The following INPP4B variants were observed in gnomAD, a reference collection of about 807,000 sequenced individuals.
The protein encoded by INPP4B is inositol polyphosphate 4-phosphatase type II.
INPP4B carries 55 observed loss-of-function variants against 122.5 expected under a neutral mutation model. The ratio of observed to expected loss-of-function variants is 0.45; its 90% confidence interval spans 0.36 to 0.56. INPP4B has a LOEUF of 0.56. Among genes scored for constraint, INPP4B ranks in the 20% least tolerant of loss-of-function variants. The pLI, the probability that INPP4B is intolerant of heterozygous loss-of-function variation, is 0.00. For synonymous variants in INPP4B, 403 were observed against 388.7 expected, an observed-to-expected ratio of 1.04 and a Z score of -0.43; for missense variants, 1,000 against 1,097.7, an observed-to-expected ratio of 0.91 and a Z score of 1.26.
At chr4:142,096,289 C>T (rs1781753045) in intron 23 of INPP4B, 1 of 152,122 alleles carries the variant, frequency 6.6e-6, no homozygotes, top group Non-Finnish European at 1.5e-5. Flanking sequence ...GCAAGAAAAT[C>T]TAAGTTTGTA....
chr4:142,693,224 A>G (rs930028249), intron 2 of INPP4B, among the ~76,000 whole-genome samples: 1 of 152,006 alleles, frequency 6.6e-6, no homozygotes, highest in African/African-American at 2.4e-5. Flanking sequence ...GGTATGTGTC[A>G]TGGCTAGGTG....
intron 23 of INPP4B, 88 bp downstream of exon 23, chr4:142,108,005 G>T: frequency 1.4e-6 from 1 of 691,058 alleles, no homozygotes; most frequent in Non-Finnish European, 2.5e-6. Flanking sequence ...CCCTGCTTCT[G>T]TAGTCCACTG....
chr4:142,349,773 AG>A (rs1183570968), intron 7 of INPP4B, among the ~76,000 whole-genome samples: 6 of 151,978 alleles, frequency 3.9e-5, no homozygotes, highest in Admixed American at 1.3e-4. Context: ...TCCCTCCCCA[AG>A]AATCAAAGAA....
Position 142,122,189 on chromosome 4 carries a change from C to T in INPP4B, c.2074G>A (p.Val692Ile), listed in dbSNP as rs139922707. 16 of 1,612,124 alleles carry T rather than the reference C, an allele frequency of 9.9e-6. No individual in the cohort carries two copies. The African/African-American group carries it at 1.7e-4, about 17-fold the overall frequency. The change falls in exon 21 of 26, where the codon GTT becomes ATT. Residue 692 changes from valine to isoleucine, a missense_variant. Physicochemically the swap from Val to Ile is conservative, Grantham distance 29. Coordinates refer to ENST00000262992, the MANE Select transcript of INPP4B (RefSeq NM_001101669.3). ...TTGGCTTCAATTATTTTAAATGCAA[C>T]TTTCTTTAAATCGGAAATGCCAACG... ...MAVGISDLKKVAFKIIEAKSN... is the reference protein window; with the variant it reads ...MAVGISDLKKIAFKIIEAKSN...
chr4:142,814,336 G>A (rs1202861319), intron 1 of INPP4B, among the ~76,000 whole-genome samples: 4 of 152,186 alleles, frequency 2.6e-5, no homozygotes, highest in Non-Finnish European at 4.4e-5. Context: ...GAAGTTAAAG[G>A]AAAACTACTT....
intron 11 of INPP4B, among the ~76,000 whole-genome samples, chr4:142,238,759 A>G (rs916750264): frequency 3.3e-5 from 5 of 152,122 alleles, no homozygotes; most frequent in African/African-American, 9.6e-5. Context: ...CAGAAAAAGC[A>G]TATAGGATTA....
At chr4:142,445,446 AT>A (rs1183628386) in intron 3 of INPP4B, among the ~76,000 whole-genome samples, 1 of 152,222 alleles carries the variant, frequency 6.6e-6, no homozygotes, top group African/African-American at 2.4e-5. Context: ...GACAAAATAG[AT>A]TTCACATTAA....
intron 2 of INPP4B, among the ~76,000 whole-genome samples, chr4:142,637,427 C>A (rs1335321754): frequency 1.3e-5 from 2 of 152,060 alleles, no homozygotes; most frequent in Non-Finnish European, 2.9e-5. Context: ...TCCAGAATGC[C>A]CGATATTTAA....
intron 9 of INPP4B, among the ~76,000 whole-genome samples, chr4:142,303,289 C>T (rs549476144): frequency 6.6e-6 from 1 of 152,122 alleles, no homozygotes; most frequent in Admixed American, 6.6e-5. Flanking sequence ...ACAAGCACAA[C>T]TGTAAGATTT....
At chr4:142,322,460 G>C (rs1770450291) in intron 7 of INPP4B, among the ~76,000 whole-genome samples, 1 of 152,146 alleles carries the variant, frequency 6.6e-6, no homozygotes, top group African/African-American at 2.4e-5. Flanking sequence ...TTAATGAAAG[G>C]AGTGGCCTGG....
At chr4:142,200,807 T>G (rs79796776) in intron 14 of INPP4B, among the ~76,000 whole-genome samples, 7 of 152,042 alleles carry the variant, frequency 4.6e-5, no homozygotes, top group Non-Finnish European at 7.4e-5. Flanking sequence ...TTGAACTTCA[T>G]AGAATAAATT....
intron 2 of INPP4B, among the ~76,000 whole-genome samples, chr4:142,686,534 A>C (rs917206379): frequency 3.3e-5 from 5 of 152,070 alleles, no homozygotes; most frequent in Non-Finnish European, 7.4e-5. Flanking sequence ...ACAGGGCAAT[A>C]ACCACCTCAC....
chr4:142,263,639 AATATATATATATAT>A lies in INPP4B; in HGVS notation c.616-3089_616-3076del, dbSNP rs36227189. On this transcript the variant is annotated intron_variant, in intron 10 of 25. Transcript: ENST00000262992. ...GACCACAAATGAGATAAATTCGTAA[AATATATATATATAT>A]ATATATATATATATATATATATATA... Among the ~76,000 whole-genome samples the A allele has an allele frequency of 1.1e-3, 46 of 41,838 alleles. 1 individual carries two copies. The highest frequency in any genetic ancestry group is 0.01 in the South Asian group (7 of 698). 27.4% of individuals were successfully genotyped at this position (41,838 alleles called of 152,430 possible). A position where few individuals can be genotyped will look rare whatever the true frequency, so the allele number is the denominator to read the frequency against.
At chr4:142,280,727 A>T (rs1369331462) in intron 9 of INPP4B, among the ~76,000 whole-genome samples, 2 of 151,984 alleles carry the variant, frequency 1.3e-5, no homozygotes, top group Non-Finnish European at 2.9e-5. Context: ...ATAAATCAAT[A>T]CCAAACAAAC....
chr4:142,248,569 C>G (rs1469001695), intron 11 of INPP4B, among the ~76,000 whole-genome samples: 1 of 151,820 alleles, frequency 6.6e-6, no homozygotes, highest in Admixed American at 6.6e-5. Context: ...GAACTTCTGA[C>G]CCCAGGTGAC....
chr4:142,484,944 T>G (rs923826573), intron 2 of INPP4B, among the ~76,000 whole-genome samples: 1 of 152,118 alleles, frequency 6.6e-6, no homozygotes, highest in African/African-American at 2.4e-5. Context: ...TTTTAAAATA[T>G]CTGTATAAGC....
At chr4:142,419,874 C>G (rs1580005644) in intron 5 of INPP4B, among the ~76,000 whole-genome samples, 1 of 152,032 alleles carries the variant, frequency 6.6e-6, no homozygotes, top group Non-Finnish European at 1.5e-5. Flanking sequence ...CTCTCCCAAC[C>G]CTGGTGGCTT....
At chr4:142,150,467 G>T (rs1047538278) in intron 17 of INPP4B, among the ~76,000 whole-genome samples, 1 of 152,178 alleles carries the variant, frequency 6.6e-6, no homozygotes, top group Non-Finnish European at 1.5e-5. Flanking sequence ...GGAATCGGCA[G>T]GTTAAAGTCT....
rs539147110 is a variant in INPP4B, at chr4:142,332,934, C to T, written c.373-18172G>A. On this transcript the variant is annotated intron_variant, in intron 7 of 25. Transcript: ENST00000262992. ...GCTGAGGCAGGAGAATGGCGTGAAC[C>T]CAGGAGGCGGAGCTTGTAGTAAGCC... 1.5e-3 allele frequency among the ~76,000 whole-genome samples: 228 copies of T among 149,726 alleles called. 1 individual carries two copies. Among genetic ancestry groups the T allele is most frequent in the African/African-American group, 5.4e-3 (221 of 40,566 alleles).
Sources: allele counts gnomAD v4.1 joint callset (sites outside exome capture counted in the v4.1 genomes callset), GRCh38; gene constraint gnomAD v4.1.1; transcripts MANE v1.5; gene names NCBI Gene and HGNC (gene_info 2026-07-23, HGNC 2026-07-21).